PTPRD: variants seen among roughly 807,000 people sequenced by gnomAD.
PTPRD encodes protein tyrosine phosphatase receptor type D.
PTPRD carries 34 observed loss-of-function variants against 214.5 expected under a neutral mutation model. The ratio of observed to expected loss-of-function variants is 0.16; its 90% CI spans 0.12 to 0.21. PTPRD has a LOEUF of 0.21. Ranked by LOEUF, PTPRD falls within the 10% of genes least tolerant of loss-of-function variation. The pLI is 1.00. For missense variants in PTPRD, 2,545 were observed against 2,398.7 expected (o/e 1.06, Z -1.27); for synonymous variants, 1,128 against 845.7 (o/e 1.33, Z -5.79).
chr9:9,801,865 A>C (rs1175321667), intron 5 of PTPRD, among the ~76,000 whole-genome samples: 1 of 152,060 alleles, frequency 6.6e-6, no homozygotes, highest in African/African-American at 2.4e-5. Context: ...ATCAGGATAC[A>C]TGTTGGCACA....
intron 5 of PTPRD, among the ~76,000 whole-genome samples, chr9:9,790,651 G>A (rs1021644116): frequency 6.6e-6 from 1 of 152,064 alleles, no homozygotes; most frequent in Non-Finnish European, 1.5e-5. Flanking sequence ...AAAATAACAA[G>A]GACTTAATGT....
intron 11 of PTPRD, among the ~76,000 whole-genome samples, chr9:8,833,258 C>G (rs1286644814): frequency 6.6e-6 from 1 of 152,058 alleles, no homozygotes; most frequent in Non-Finnish European, 1.5e-5. Flanking sequence ...CCCCTTAGTT[C>G]CCAAGAGGTT....
intron 3 of PTPRD, among the ~76,000 whole-genome samples, chr9:10,304,450 T>A (rs546723518): frequency 2.0e-5 from 3 of 152,242 alleles, no homozygotes; most frequent in African/African-American, 7.2e-5. Flanking sequence ...AGTATTCAAA[T>A]GGGAAGAGAG....
intron 3 of PTPRD, among the ~76,000 whole-genome samples, chr9:10,312,140 G>C (rs973543900): frequency 6.6e-6 from 1 of 151,898 alleles, no homozygotes; most frequent in African/African-American, 2.4e-5. Flanking sequence ...ACATGATTTG[G>C]TACTGTCATT....
intron 11 of PTPRD, among the ~76,000 whole-genome samples, chr9:8,949,676 C>T (rs929179418): frequency 6.6e-6 from 1 of 152,118 alleles, no homozygotes; most frequent in East Asian, 1.9e-4. Flanking sequence ...CATAAACATG[C>T]TATTGTTCTT....
chr9:8,627,202 C>T (rs2096071229), intron 14 of PTPRD, among the ~76,000 whole-genome samples: 1 of 151,762 alleles, frequency 6.6e-6, no homozygotes, highest in Non-Finnish European at 1.5e-5. Flanking sequence ...GACATGTCAG[C>T]TGGAAGAACA....
chr9:10,260,233 A>G (rs1040598024), intron 3 of PTPRD, among the ~76,000 whole-genome samples: 2 of 152,236 alleles, frequency 1.3e-5, no homozygotes, highest in African/African-American at 4.8e-5. Context: ...AGTCATGTCC[A>G]GAATGTGGGT....
At chr9:8,848,734 A>G (rs1306857653) in intron 11 of PTPRD, among the ~76,000 whole-genome samples, 4 of 152,112 alleles carry the variant, frequency 2.6e-5, no homozygotes, top group African/African-American at 9.7e-5. Flanking sequence ...AGAGTGAGTG[A>G]AACAGATAAA....
chr9:8,842,355 AAT>A (rs1237889615), intron 11 of PTPRD, among the ~76,000 whole-genome samples: 10 of 152,156 alleles, frequency 6.6e-5, no homozygotes, highest in Admixed American at 1.3e-4. Flanking sequence ...TCTGTTTCTA[AAT>A]ATCTTATAAT....
chr9:9,971,214 G>C (rs115753955), intron 4 of PTPRD, among the ~76,000 whole-genome samples: 2 of 152,278 alleles, frequency 1.3e-5, no homozygotes, highest in Non-Finnish European at 1.5e-5. Flanking sequence ...TAAGATTTAA[G>C]TTCCTTTTAA....
intron 4 of PTPRD, among the ~76,000 whole-genome samples, chr9:9,996,482 G>T (rs1354164691): frequency 1.3e-5 from 2 of 152,282 alleles, no homozygotes; most frequent in Middle Eastern, 3.4e-3. Context: ...GAATCAGGAA[G>T]ACTTATGCCT....
intron 2 of PTPRD, among the ~76,000 whole-genome samples, chr9:10,568,409 T>C (rs918359483): frequency 1.1e-4 from 16 of 152,064 alleles, no homozygotes; most frequent in East Asian, 3.9e-4. Flanking sequence ...CTATTGTGAA[T>C]AGTGCCGCAA....
At chr9:9,457,919 G>A (rs565525611) in intron 8 of PTPRD, among the ~76,000 whole-genome samples, 16 of 152,026 alleles carry the variant, frequency 1.1e-4, no homozygotes, top group South Asian at 2.1e-4. Context: ...GGTGTTTCCC[G>A]TCTAACATTG....
chr9:8,893,756 C>A (rs1006305099), intron 11 of PTPRD, among the ~76,000 whole-genome samples: 3 of 151,992 alleles, frequency 2.0e-5, no homozygotes, highest in African/African-American at 7.3e-5. Context: ...ATTAATTGGG[C>A]CACTCTTCAG....
At position 9,536,069 on chromosome 9, in the gene PTPRD, A is replaced by G. The variant is rs2076462406; in HGVS notation, c.-237+38663T>C. ...TCAGGGACAAGGATACTGGTTAGAT[A>G]TAACAGTATCTGTTACTGTTACTAT... On this transcript the variant is annotated intron_variant, in intron 8 of 45. Coordinates refer to ENST00000381196, the MANE Select transcript of PTPRD (RefSeq NM_002839.4). 3.3e-5 allele frequency among the ~76,000 whole-genome samples: 5 copies of G among 152,072 alleles called. No homozygotes were observed. In the South Asian group the frequency reaches 1.0e-3, roughly 32 times the overall value.
intron 11 of PTPRD, among the ~76,000 whole-genome samples, chr9:8,956,377 C>A (rs937945863): frequency 5.3e-5 from 8 of 151,862 alleles, no homozygotes; most frequent in Non-Finnish European, 8.8e-5. Flanking sequence ...GTTTAATACA[C>A]CTGATGACTA....
chr9:8,727,493 A>G (rs1315624293), intron 12 of PTPRD, among the ~76,000 whole-genome samples: 1 of 152,248 alleles, frequency 6.6e-6, no homozygotes, highest in Non-Finnish European at 1.5e-5. Context: ...CTACTAATTT[A>G]GAGAAAAGAG....
intron 4 of PTPRD, among the ~76,000 whole-genome samples, chr9:10,004,338 G>A (rs966464960): frequency 6.6e-6 from 1 of 151,872 alleles, no homozygotes; most frequent in African/African-American, 2.4e-5. Flanking sequence ...AAACAAAGGA[G>A]AAAGTCATTT....
intron 5 of PTPRD, among the ~76,000 whole-genome samples, chr9:9,835,781 G>C (rs567369240): frequency 6.6e-6 from 1 of 152,128 alleles, no homozygotes; most frequent in South Asian, 2.1e-4. Flanking sequence ...TCAACTGAAG[G>C]AATGAGATAA....
Sources: gnomAD v4.1 joint callset for allele counts (sites outside exome capture counted in the v4.1 genomes callset) on GRCh38, gnomAD v4.1.1 for gene constraint, MANE v1.5 for transcripts, NCBI Gene and HGNC (gene_info 2026-07-23, HGNC 2026-07-21) for gene names.